Variants in ANO6 observed in about 807,000 individuals in gnomAD.
ANO6 encodes the protein anoctamin 6, also known as anoctamin-6.
A neutral mutation model predicts 117.5 loss-of-function variants in ANO6; 106 were observed. The observed-to-expected ratio is 0.90, with a 90% CI of 0.77 to 1.06. ANO6 has a LOEUF of 1.06. ANO6 is among the 50% of genes least tolerant of loss of function. The probability of loss-of-function intolerance (pLI) is 0.00; values close to 1 mark genes in which losing one functional copy is unlikely to be tolerated. For synonymous variants in ANO6, 367 were observed against 385.1 expected (o/e 0.95, Z 0.55); for missense variants, 955 against 1,121.1 (o/e 0.85, Z 2.12).
intron 16 of ANO6, among the ~76,000 whole-genome samples, chr12:45,410,448 A>C (rs1323644217): frequency 2.6e-5 from 4 of 152,172 alleles, no homozygotes; most frequent in Non-Finnish European, 2.9e-5. Context: ...TGGACTCTTA[A>C]TTCTTTTCAG....
intron 1 of ANO6, among the ~76,000 whole-genome samples, chr12:45,299,991 A>C (rs1383261838): frequency 6.6e-6 from 1 of 152,198 alleles, no homozygotes; most frequent in Non-Finnish European, 1.5e-5. Flanking sequence ...AATCACATAG[A>C]GATCTCTTAT....
intron 3 of ANO6, among the ~76,000 whole-genome samples, chr12:45,334,971 A>G (rs908510375): frequency 4.6e-5 from 7 of 151,962 alleles, no homozygotes; most frequent in Non-Finnish European, 1.0e-4. Flanking sequence ...GTGACCAAGT[A>G]ATGGTACAAT....
intron 10 of ANO6, among the ~76,000 whole-genome samples, chr12:45,386,045 G>A (rs142234954): frequency 1.3e-4 from 20 of 152,184 alleles, no homozygotes; most frequent in African/African-American, 3.1e-4. Context: ...CCCTGACTGC[G>A]TATTAAACCT....
chr12:45,408,736 C>G (rs1943010032), intron 15 of ANO6, among the ~76,000 whole-genome samples: 1 of 152,174 alleles, frequency 6.6e-6, no homozygotes, highest in Admixed American at 6.5e-5. Context: ...CAGATCCTGA[C>G]AGTGGTCTCT....
At chr12:45,243,042 C>T (rs2137169215) in intron 1 of ANO6, among the ~76,000 whole-genome samples, 1 of 152,288 alleles carries the variant, frequency 6.6e-6, no homozygotes, top group East Asian at 1.9e-4. Context: ...TGGCCATGCA[C>T]AGTGGCTCAC....
intron 1 of ANO6, among the ~76,000 whole-genome samples, chr12:45,258,210 A>G (rs887976322): frequency 1.3e-5 from 2 of 152,228 alleles, no homozygotes; most frequent in Admixed American, 6.5e-5. Context: ...TATTTTGAGG[A>G]TAATGCATGT....
chr12:45,258,853 T>G (rs1937928443), intron 1 of ANO6, among the ~76,000 whole-genome samples: 1 of 152,184 alleles, frequency 6.6e-6, no homozygotes, highest in Non-Finnish European at 1.5e-5. Context: ...AATAAAAGAT[T>G]GTTAAGTTAT....
At chr12:45,423,222 A>C (rs578049031) in intron 19 of ANO6, among the ~76,000 whole-genome samples, 160 bp downstream of exon 19, 1 of 152,328 alleles carries the variant, frequency 6.6e-6, no homozygotes, top group South Asian at 2.1e-4. Flanking sequence ...AAAATACTCA[A>C]CTTCATTAAC....
At chr12:45,435,012 A>G (rs1439707821), downstream of ANO6, among the ~76,000 whole-genome samples, 1 of 152,206 alleles carries the variant, frequency 6.6e-6, no homozygotes, top group Non-Finnish European at 1.5e-5. Context: ...GAAAGCCTAG[A>G]ACAGAACTTT....
At chr12:45,420,930 CAGG>C (rs1943343026) in intron 17 of ANO6, 138 bp from the exon 18 acceptor site, 1 of 848,688 alleles carries the variant, frequency 1.2e-6, no homozygotes, top group African/African-American at 1.7e-5. Context: ...GAGGCTGAGG[CAGG>C]AGAATTTTTT....
chr12:45,270,002 A>G (rs903975032), intron 1 of ANO6, among the ~76,000 whole-genome samples: 8 of 152,150 alleles, frequency 5.3e-5, no homozygotes, highest in Non-Finnish European at 8.8e-5. Context: ...GATCTGGTTT[A>G]ATTATTGGAA....
At chr12:45,392,252 C>T (rs1297899247) in intron 12 of ANO6, among the ~76,000 whole-genome samples, 1 of 152,186 alleles carries the variant, frequency 6.6e-6, no homozygotes, top group Non-Finnish European at 1.5e-5. Flanking sequence ...TGACTGCTAG[C>T]GCAGCAGTCT....
rs1943632895 is a variant in ANO6 at position 45,431,543 on chromosome 12, A to C, written c.*2232A>C. 5 of 985,338 alleles carry C rather than the reference A, an allele frequency of 5.1e-6. No individual in the cohort carries two copies. The highest frequency in any genetic ancestry group is 4.7e-5 in the South Asian group (1 of 21,268). The allele number at this position is 985,338 out of a possible 1,614,324, so 61.0% of individuals were successfully genotyped here. A position where few individuals can be genotyped will look rare whatever the true frequency, so the allele number is the denominator to read the frequency against. ...TGCTGTGGACAGGAGGGGAAAAAAA[A>C]CCCTCTACATATTGAAAGGCACCAA... is the stretch of plus-strand genomic sequence containing the variant. On this transcript the variant is annotated 3_prime_UTR_variant, in exon 20 of 20. Transcript: ENST00000320560.
chr12:45,340,464 A>G, intron 3 of ANO6, among the ~76,000 whole-genome samples: 1 of 152,142 alleles, frequency 6.6e-6, no homozygotes, highest in East Asian at 1.9e-4. Context: ...TTGCTCCCAT[A>G]GAGATGTACA....
intron 1 of ANO6, among the ~76,000 whole-genome samples, chr12:45,259,731 T>C (rs1937959285): frequency 6.6e-6 from 1 of 152,192 alleles, no homozygotes; most frequent in Non-Finnish European, 1.5e-5. Flanking sequence ...GCAGGAAACA[T>C]GATGGGGTTG....
intron 2 of ANO6, among the ~76,000 whole-genome samples, chr12:45,316,977 A>G (rs1304206292): frequency 1.3e-5 from 2 of 149,704 alleles, no homozygotes; most frequent in Non-Finnish European, 3.0e-5. Context: ...TTTAAAAAAT[A>G]TGTATTAATT....
intron 7 of ANO6, among the ~76,000 whole-genome samples, chr12:45,351,345 G>A (rs961300296): frequency 4.6e-5 from 7 of 152,068 alleles, no homozygotes; most frequent in Admixed American, 2.6e-4. Flanking sequence ...GTTCTATTTC[G>A]TTGTATCTCA....
intron 2 of ANO6, among the ~76,000 whole-genome samples, chr12:45,323,089 T>C (rs1940335611): frequency 6.6e-6 from 1 of 152,202 alleles, no homozygotes; most frequent in Non-Finnish European, 1.5e-5. Flanking sequence ...GTATTGTATT[T>C]ATTCTTCTTG....
chr12:45,391,625 T>G (rs1008544971), intron 12 of ANO6, among the ~76,000 whole-genome samples: 2 of 151,962 alleles, frequency 1.3e-5, no homozygotes, highest in African/African-American at 4.8e-5. Context: ...CCCAGCACTT[T>G]GGGAGGCCAA....
Sources: gnomAD v4.1 joint callset for allele counts (sites outside exome capture counted in the v4.1 genomes callset) on GRCh38, gnomAD v4.1.1 for gene constraint, MANE v1.5 for transcripts, NCBI Gene and HGNC (gene_info 2026-07-23, HGNC 2026-07-21) for gene names.